The following TMEM132B variants were observed in gnomAD, a reference collection of about 807,000 sequenced individuals.
TMEM132B encodes transmembrane protein 132B.
TMEM132B carries 18 observed loss-of-function variants against 90.8 expected under a neutral mutation model. That is an observed-to-expected ratio of 0.20 (90% CI 0.14 to 0.29). TMEM132B has a LOEUF of 0.29. TMEM132B is among the 10% of genes least tolerant of loss of function. TMEM132B has a pLI of 1.00. For synonymous variants in TMEM132B, 504 were observed against 523.3 expected, an observed-to-expected ratio of 0.96 and a Z score of 0.50; for missense variants, 1,096 against 1,326.8, an observed-to-expected ratio of 0.83 and a Z score of 2.70.
intron 5 of TMEM132B, among the ~76,000 whole-genome samples, chr12:125,615,776 T>A (rs1380985553): frequency 1.3e-5 from 2 of 152,216 alleles, no homozygotes; most frequent in Non-Finnish European, 2.9e-5. Flanking sequence ...TTTTGTTTTT[T>A]ACCACTGTGA....
intron 3 of TMEM132B, among the ~76,000 whole-genome samples, chr12:125,452,451 G>A (rs1234827150): frequency 6.6e-6 from 1 of 152,176 alleles, no homozygotes. Flanking sequence ...AATCATACTT[G>A]CATGTGTCTC....
At chr12:125,641,084 A>G (rs1366253151) in intron 5 of TMEM132B, among the ~76,000 whole-genome samples, 7 of 152,184 alleles carry the variant, frequency 4.6e-5, no homozygotes, top group Admixed American at 2.0e-4. Flanking sequence ...TACTGGATCC[A>G]GCGCCCAAGC....
intron 1 of TMEM132B, among the ~76,000 whole-genome samples, chr12:125,293,376 TG>T (rs1208045938): frequency 6.6e-6 from 1 of 152,212 alleles, no homozygotes; most frequent in African/African-American, 2.4e-5. Flanking sequence ...TGCTGAGGTT[TG>T]GAGTACGATT....
intron 1 of TMEM132B, among the ~76,000 whole-genome samples, chr12:125,283,293 T>G (rs1391456964): frequency 6.6e-6 from 1 of 152,234 alleles, no homozygotes; most frequent in African/African-American, 2.4e-5. Flanking sequence ...CCTCCTTATA[T>G]TCTAGCCAAG....
At chr12:125,288,319 C>T (rs1222822331) in intron 1 of TMEM132B, among the ~76,000 whole-genome samples, 6 of 151,568 alleles carry the variant, frequency 4.0e-5, no homozygotes, top group East Asian at 4.0e-4. Context: ...AAAAATTAGC[C>T]GGGTGTGGTG....
In TMEM132B at chr12:125,520,522, C is replaced by T. The variant is rs148182214; in HGVS notation, c.1293+897C>T. On this transcript the variant is annotated intron_variant, in intron 4 of 8. Coordinates refer to ENST00000682704, the MANE Select transcript of TMEM132B (RefSeq NM_001366854.1). ...CCCCGAATCTCGAGTGTCTCAAGTG[C>T]GTTGAATGTGTCTCTCTGCTGGAAC... Among the ~76,000 whole-genome samples, 981 of 135,490 alleles carry T rather than the reference C, an allele frequency of 7.2e-3. 8 individuals carry two copies. The highest frequency in any genetic ancestry group is 0.027 in the African/African-American group (910 of 33,426). The allele number at this position is 135,490 out of a possible 152,430, so 88.9% of individuals were successfully genotyped here.
At chr12:125,551,082 G>A (rs1884217678) in intron 4 of TMEM132B, among the ~76,000 whole-genome samples, 1 of 152,248 alleles carries the variant, frequency 6.6e-6, no homozygotes, top group Non-Finnish European at 1.5e-5. Flanking sequence ...CGAAGTGTTG[G>A]GACTACAGGC....
intron 3 of TMEM132B, among the ~76,000 whole-genome samples, chr12:125,493,505 A>G (rs976952208): frequency 6.6e-6 from 1 of 152,000 alleles, no homozygotes; most frequent in Non-Finnish European, 1.5e-5. Context: ...ACTACCCAGC[A>G]TGTTAGTTTT....
chr12:125,514,337 C>G lies in TMEM132B; in HGVS notation c.1107-5102C>G, dbSNP rs1372955272. Reference sequence around the variant, plus strand: ...CACTACAGTCAGGGCAGCAGTAGTACAGGCACGTCTGTGTCCTCATGGAGG... The same window carrying G: ...CACTACAGTCAGGGCAGCAGTAGTAGAGGCACGTCTGTGTCCTCATGGAGG... On this transcript the variant is annotated intron_variant, in intron 3 of 8. Coordinates refer to ENST00000682704, the MANE Select transcript of TMEM132B (RefSeq NM_001366854.1). 3.3e-5 allele frequency among the ~76,000 whole-genome samples: 5 copies of G among 152,198 alleles called. No homozygotes were observed. The East Asian group carries it at 9.6e-4, about 29-fold the overall frequency.
chr12:125,544,118 A>C (rs564534433), intron 4 of TMEM132B, among the ~76,000 whole-genome samples: 2 of 152,212 alleles, frequency 1.3e-5, no homozygotes, highest in Non-Finnish European at 2.9e-5. Context: ...CAAACACTGC[A>C]TGTTCTCACT....
In TMEM132B at chr12:125,654,844, A is replaced by G. The variant is rs1887021821; in HGVS notation, c.*134A>G. ...GGTCTGGTGGGATTCATTTCTAAGC[A>G]GGTAAAAGAGGTTTGGAGAGCTATA... On this transcript the variant is annotated 3_prime_UTR_variant, in exon 9 of 9. Coordinates refer to ENST00000682704, the MANE Select transcript of TMEM132B (RefSeq NM_001366854.1). This position sits in a 1 kb window ranked among gnomAD's most constrained non-coding sequence, Gnocchi z 5.8. The G allele has an allele frequency of 6.5e-6, 7 of 1,081,808 alleles. No homozygotes were observed. The East Asian group carries it at 1.3e-4, about 20-fold the overall frequency. 67.0% of individuals were successfully genotyped at this position (1,081,808 alleles called of 1,614,324 possible).
chr12:125,641,477 T>C (rs778643649), intron 5 of TMEM132B, among the ~76,000 whole-genome samples: 1 of 152,228 alleles, frequency 6.6e-6, no homozygotes, highest in Non-Finnish European at 1.5e-5. Context: ...TAGCCTTATT[T>C]GTGCTGTTTT....
At position 125,639,327 on chromosome 12, in the gene TMEM132B, G is replaced by A. The variant is rs141003365; in HGVS notation, c.1438-4749G>A. ...TGAAATCACTTTCACTTTTCTTAAT[G>A]TCATTACCATGATAACCTTGTGTAA... On this transcript the variant is annotated intron_variant, in intron 5 of 8. Coordinates refer to ENST00000682704, the MANE Select transcript of TMEM132B (RefSeq NM_001366854.1). Among the ~76,000 whole-genome samples the A allele has an allele frequency of 4.6e-5, 7 of 152,280 alleles. No homozygotes were observed. In the East Asian group the frequency reaches 1.4e-3, roughly 29 times the overall value.
At chr12:125,311,244 C>A (rs936039846) in intron 1 of TMEM132B, among the ~76,000 whole-genome samples, 1 of 152,256 alleles carries the variant, frequency 6.6e-6, no homozygotes, top group East Asian at 1.9e-4. Context: ...ATAGAGAAAC[C>A]GGGTCACCGT....
chr12:125,230,349 A>C (rs1873789441), intron 1 of TMEM132B, among the ~76,000 whole-genome samples: 1 of 152,104 alleles, frequency 6.6e-6, no homozygotes. Flanking sequence ...ATGCTGCTTC[A>C]AGTGTGGCTC....
chr12:125,319,660 C>T (rs1468884155), intron 1 of TMEM132B, among the ~76,000 whole-genome samples: 2 of 152,148 alleles, frequency 1.3e-5, no homozygotes, highest in Admixed American at 1.3e-4. Flanking sequence ...AACTGGGGTG[C>T]AGTTACCAGG....
intron 3 of TMEM132B, among the ~76,000 whole-genome samples, chr12:125,440,845 T>C (rs778220969): frequency 2.0e-5 from 3 of 152,178 alleles, no homozygotes; most frequent in Non-Finnish European, 4.4e-5. Context: ...GAAACTCAAG[T>C]CAACCTTGAA....
At chr12:125,612,240 C>G (rs1001536761) in intron 5 of TMEM132B, among the ~76,000 whole-genome samples, 1 of 152,030 alleles carries the variant, frequency 6.6e-6, no homozygotes, top group Non-Finnish European at 1.5e-5. Flanking sequence ...CTTTGGGAGG[C>G]CAAGGCAGGT....
At position 125,207,988 on chromosome 12, in the gene TMEM132B, T is replaced by A. The variant is rs934823159; in HGVS notation, c.67+21122T>A. ...TAATATATATTTAAAGTTAAGTAAA[T>A]TTAAATGGCTACCCGTGGCTAGCTA... On this transcript the variant is annotated intron_variant, in intron 1 of 8. Transcript: ENST00000682704. Among the ~76,000 whole-genome samples the A allele has an allele frequency of 4.6e-5, 7 of 152,246 alleles. No homozygotes were observed. In the East Asian group the frequency reaches 1.3e-3, roughly 29 times the overall value.
Sources: gnomAD v4.1 joint callset for allele counts (sites outside exome capture counted in the v4.1 genomes callset) on GRCh38, gnomAD v4.1.1 for gene constraint, Gnocchi (gnomAD v3.1) non-coding constraint, MANE v1.5 for transcripts, NCBI Gene and HGNC (gene_info 2026-07-23, HGNC 2026-07-21) for gene names.